The following PLAUR variants were observed in gnomAD, a reference collection of about 807,000 sequenced individuals.
The protein encoded by PLAUR is urokinase plasminogen activator surface receptor.
In PLAUR, 22 loss-of-function variants were observed where a neutral mutation model predicts 33.4. That is an observed-to-expected ratio of 0.66 (90% CI 0.47 to 0.94). The LOEUF is 0.94. PLAUR is among the 40% of genes least tolerant of loss of function. PLAUR has a pLI of 0.00. For synonymous variants in PLAUR, 148 were observed against 167.3 expected, an observed-to-expected ratio of 0.88 and a Z score of 0.89; for missense variants, 408 against 434.7, an observed-to-expected ratio of 0.94 and a Z score of 0.55.
At chr19:43,654,889 G>A (rs4251891) in intron 5 of PLAUR, among the ~76,000 whole-genome samples, 5,533 of 152,216 alleles carry the variant, frequency 0.036, 279 homozygotes, top group African/African-American at 0.12. Flanking sequence ...AGCAGGGGAG[G>A]AGTGGGAAAA....
At chr19:43,669,801 G>A (rs1967442237) in intron 1 of PLAUR, among the ~76,000 whole-genome samples, 1 of 96,180 alleles carries the variant, frequency 1.0e-5, no homozygotes. Flanking sequence ...GACAGAGTGA[G>A]ACTCTGTCAA....
At chr19:43,652,011 C>A in intron 6 of PLAUR, 1 of 1,329,072 alleles carries the variant, frequency 7.5e-7, no homozygotes, top group Non-Finnish European at 9.7e-7. Context: ...AGCCACCGCA[C>A]CCAGCCGGAA....
chr19:43,668,883 T>A (rs1418270341), intron 1 of PLAUR, among the ~76,000 whole-genome samples: 1 of 142,228 alleles, frequency 7.0e-6, no homozygotes, highest in African/African-American at 2.7e-5. Flanking sequence ...CTCCCGTAGC[T>A]CTTCCTTGAG....
At chr19:43,665,039 GTGCT>G in intron 3 of PLAUR, 1 of 470,020 alleles carries the variant, frequency 2.1e-6, no homozygotes, top group African/African-American at 1.9e-5. Context: ...GGTTGGAACT[GTGCT>G]TGGAACAGGG....
chr19:43,659,140 G>A (rs1974329081), intron 3 of PLAUR, among the ~76,000 whole-genome samples: 1 of 143,740 alleles, frequency 7.0e-6, no homozygotes, highest in Admixed American at 7.2e-5. Flanking sequence ...ATGATCCTTA[G>A]GGCTATTTTC....
intron 6 of PLAUR, chr19:43,651,890 T>G: frequency 9.6e-7 from 1 of 1,042,280 alleles, no homozygotes; most frequent in African/African-American, 1.7e-5. Context: ...AATTCCATTT[T>G]TCTTTTTGTA....
At chr19:43,654,115 C>T (rs190030078) in intron 5 of PLAUR, among the ~76,000 whole-genome samples, 145 of 150,804 alleles carry the variant, frequency 9.6e-4, no homozygotes, top group African/African-American at 3.2e-3. Flanking sequence ...CAGCGCAAGA[C>T]TCCATCTCAG....
At chr19:43,664,421 G>A (rs1399132246) in intron 3 of PLAUR, among the ~76,000 whole-genome samples, 4 of 152,132 alleles carry the variant, frequency 2.6e-5, no homozygotes, top group Non-Finnish European at 5.9e-5. Flanking sequence ...CCTCTCCTGT[G>A]GGAATTTAGG....
At chr19:43,667,867 T>A in intron 1 of PLAUR, 176 bp from the exon 2 acceptor site, 1 of 1,438,956 alleles carries the variant, frequency 6.9e-7, no homozygotes, top group Non-Finnish European at 9.1e-7. Context: ...GTTGTCCACG[T>A]TCTACCTCCA....
chr19:43,651,538 G>A (rs1973995019), intron 6 of PLAUR, among the ~76,000 whole-genome samples: 1 of 151,676 alleles, frequency 6.6e-6, no homozygotes, highest in Non-Finnish European at 1.5e-5. Flanking sequence ...GGGTTCAAGT[G>A]ATTCTCGTGC....
chr19:43,646,674 A>G (rs553609229), downstream of PLAUR: 1 of 628,988 alleles, frequency 1.6e-6, no homozygotes, highest in African/African-American at 1.8e-5. Context: ...AAGAGGCAGA[A>G]GTACAGACCT....
At chr19:43,668,461 T>G (rs4251810) in intron 1 of PLAUR, 2,630 of 171,482 alleles carry the variant, frequency 0.015, 77 homozygotes, top group African/African-American at 0.074. Flanking sequence ...CTTTAGTCCC[T>G]CCCTCTAGCT....
At chr19:43,648,574 C>T, downstream of PLAUR, 1 of 1,016,576 alleles carries the variant, frequency 9.8e-7, no homozygotes, top group Non-Finnish European at 1.2e-6. Context: ...GCATACCTGG[C>T]CTTGTCCACT....
chr19:43,668,189 G>T, intron 1 of PLAUR: 9 of 987,372 alleles, frequency 9.1e-6, no homozygotes, highest in Non-Finnish European at 1.1e-5. Flanking sequence ...GGTTCTACCC[G>T]GCTCCAGAGC....
In PLAUR at chr19:43,655,584, CA is replaced by C. The variant is rs1479396518; in HGVS notation, c.473-12del. The C allele has an allele frequency of 2.5e-6, 4 of 1,612,392 alleles. No homozygotes were observed. The highest frequency in any genetic ancestry group is 3.4e-6 in the Non-Finnish European group (4 of 1,179,314). ...CATCCTTTGGACGCCCTATGGGGGC[CA>C]GGGGACAGAGGTCAGATGTCAGATT... On this transcript the variant is annotated splice_polypyrimidine_tract_variant and intron_variant, in intron 4 of 6. Transcript: ENST00000340093.
At chr19:43,662,233 C>T (rs1161587291) in intron 3 of PLAUR, among the ~76,000 whole-genome samples, 1 of 152,048 alleles carries the variant, frequency 6.6e-6, no homozygotes, top group Non-Finnish European at 1.5e-5. Flanking sequence ...CGCGGTGGCT[C>T]ACGTCTGTAA....
intron 6 of PLAUR, among the ~76,000 whole-genome samples, chr19:43,649,949 TAAGCTGGACATTAAAGAGA>T (rs1973924723): frequency 1.3e-5 from 2 of 151,576 alleles, no homozygotes; most frequent in African/African-American, 4.8e-5. Context: ...TGTCTTCTAT[TAAGCTGGACATTAAAGAGA>T]TGTGCAACAC....
At chr19:43,669,929 A>G in intron 1 of PLAUR, 137 bp downstream of exon 1, 1 of 812,976 alleles carries the variant, frequency 1.2e-6, no homozygotes, top group Non-Finnish European at 2.0e-6. Context: ...CGTTGCACAA[A>G]GCACGAGAAT....
chr19:43,652,667 T>A (rs1170965918), intron 5 of PLAUR, among the ~76,000 whole-genome samples: 1 of 152,144 alleles, frequency 6.6e-6, no homozygotes, highest in African/African-American at 2.4e-5. Flanking sequence ...TTATTTATTT[T>A]TGATACAGGG....
Sources: gnomAD v4.1 joint callset for allele counts (sites outside exome capture counted in the v4.1 genomes callset) on GRCh38, gnomAD v4.1.1 for gene constraint, MANE v1.5 for transcripts, NCBI Gene and HGNC (gene_info 2026-07-23, HGNC 2026-07-21) for gene names.